Variants in ZNF804B observed in about 807,000 individuals in gnomAD.
ZNF804B encodes zinc finger 804B.
In ZNF804B, 80 loss-of-function variants were observed where a neutral mutation model predicts 101.4. The ratio of observed to expected loss-of-function variants is 0.79; its 90% confidence interval spans 0.66 to 0.95. The LOEUF is 0.95. Among genes scored for constraint, ZNF804B ranks in the 40% least tolerant of loss-of-function variants. ZNF804B has a pLI of 0.00. For missense variants in ZNF804B, 1,673 were observed against 1,561.9 expected (o/e 1.07, Z -1.20); for synonymous variants, 622 against 558.8 (o/e 1.11, Z -1.59).
rs550793296 is a variant in ZNF804B, at chr7:89,109,764, G to A, written c.109-108391G>A. On this transcript the variant is annotated intron_variant, in intron 1 of 3. Transcript: ENST00000333190. ...AGTAGCACCTCTGACCTTCTATTTT[G>A]TTAGCCTTTAGTTGAATTTTTATTT... Among the ~76,000 whole-genome samples, 3 of 152,038 alleles carry A rather than the reference G, an allele frequency of 2.0e-5. No individual in the cohort carries two copies. The South Asian group carries it at 6.2e-4, about 32-fold the overall frequency.
At position 88,870,156 on chromosome 7, in the gene ZNF804B, AC is replaced by A. The variant is rs1562817984; in HGVS notation, c.108+110073del. 8.0e-5 allele frequency among the ~76,000 whole-genome samples: 12 copies of A among 150,800 alleles called. No individual in the cohort carries two copies. In the South Asian group the frequency reaches 2.5e-3, roughly 32 times the overall value. The stretch of plus-strand genomic sequence containing the variant: ...AATCCCAGCACTTTGGGAGGCCGAG[AC>A]GGGCGGATCACGAGGTCAGGAGATC... On this transcript the variant is annotated intron_variant, in intron 1 of 3. Coordinates refer to ENST00000333190, the MANE Select transcript of ZNF804B (RefSeq NM_181646.5).
Position 88,905,836 on chromosome 7 carries a change from G to C in ZNF804B, c.108+145752G>C, listed in dbSNP as rs747544344. ...ATTTGAAATAGTTTCAGTGGGACTCGTAGCAGTTCCTCTTTGTAAATCTAG... is the reference window on the plus strand; with the variant it reads ...ATTTGAAATAGTTTCAGTGGGACTCCTAGCAGTTCCTCTTTGTAAATCTAG... On this transcript the variant is annotated intron_variant, in intron 1 of 3. Transcript: ENST00000333190. 5.2e-4 allele frequency among the ~76,000 whole-genome samples: 78 copies of C among 150,060 alleles called. 1 individual carries two copies. The Middle Eastern group carries it at 0.011, about 20-fold the overall frequency.
chr7:89,162,595 A>G (rs951215308), intron 1 of ZNF804B, among the ~76,000 whole-genome samples: 1 of 105,040 alleles, frequency 9.5e-6, no homozygotes, highest in South Asian at 2.9e-4. Flanking sequence ...GTTGGGTTGA[A>G]CTTTTTTTTT....
chr7:89,120,139 A>G (rs1790378054), intron 1 of ZNF804B, among the ~76,000 whole-genome samples: 1 of 151,932 alleles, frequency 6.6e-6, no homozygotes, highest in South Asian at 2.1e-4. Flanking sequence ...AAGACTTAAA[A>G]CTGAAGTCTA....
intron 1 of ZNF804B, among the ~76,000 whole-genome samples, chr7:88,775,706 T>G (rs1307805859): frequency 6.6e-6 from 1 of 152,192 alleles, no homozygotes; most frequent in Non-Finnish European, 1.5e-5. Context: ...TCAGTTCTTC[T>G]CTTCTTATAA....
chr7:88,831,664 T>TA (rs1791136234), intron 1 of ZNF804B, among the ~76,000 whole-genome samples: 1 of 151,938 alleles, frequency 6.6e-6, no homozygotes, highest in Non-Finnish European at 1.5e-5. Context: ...AGAGATTATT[T>TA]AAAAAATTAT....
intron 1 of ZNF804B, among the ~76,000 whole-genome samples, chr7:89,027,803 C>T (rs1025294743): frequency 3.3e-5 from 5 of 152,098 alleles, no homozygotes; most frequent in African/African-American, 1.2e-4. Flanking sequence ...TGGTCTCATC[C>T]CTGAACTGGT....
rs573762058 is a variant in ZNF804B at position 89,310,245 on chromosome 7, G to A, written c.250-17099G>A. Among the ~76,000 whole-genome samples, 55 of 152,270 alleles carry A rather than the reference G, an allele frequency of 3.6e-4. No individual in the cohort carries two copies. The South Asian group carries it at 0.011, about 31-fold the overall frequency. ...CTGAAAACTGGGAGAAGACTGAGCT[G>A]TGGACTCCCTTGAGGAGGTGTAAGT... On this transcript the variant is annotated intron_variant, in intron 2 of 3. Transcript: ENST00000333190.
At chr7:88,910,765 G>A (rs1792536819) in intron 1 of ZNF804B, among the ~76,000 whole-genome samples, 1 of 151,872 alleles carries the variant, frequency 6.6e-6, no homozygotes. Context: ...TCCAATGCAA[G>A]CGTGATTGAA....
chr7:89,213,794 C>T lies in ZNF804B; in HGVS notation c.109-4361C>T, dbSNP rs1392350817. 2.0e-5 allele frequency among the ~76,000 whole-genome samples: 3 copies of T among 149,060 alleles called. No homozygotes were observed. In the Admixed American group the frequency reaches 2.0e-4, roughly 10 times the overall value. On this transcript the variant is annotated intron_variant, in intron 1 of 3. Transcript: ENST00000333190. The stretch of plus-strand genomic sequence containing the variant: ...AATGAATTTCTAAACATGTTTGTGC[C>T]TTATTTTCCATATCTTTAAATGAGA...
intron 2 of ZNF804B, among the ~76,000 whole-genome samples, chr7:89,279,913 A>G (rs1358844950): frequency 6.6e-6 from 1 of 152,142 alleles, no homozygotes; most frequent in Non-Finnish European, 1.5e-5. Flanking sequence ...CAGACCTAAT[A>G]GACATCTACA....
At chr7:88,865,229 A>C (rs1178536038) in intron 1 of ZNF804B, among the ~76,000 whole-genome samples, 4 of 35,586 alleles carry the variant, frequency 1.1e-4, no homozygotes, top group Non-Finnish European at 1.7e-4. Context: ...ACTTCGTATC[A>C]AAAAAAAAAA....
chr7:88,857,827 T>C (rs1207047990), intron 1 of ZNF804B, among the ~76,000 whole-genome samples: 21 of 98,006 alleles, frequency 2.1e-4, no homozygotes, highest in African/African-American at 8.6e-4. Context: ...CTTTTCTTTT[T>C]TTTTTTTTTT....
rs758173687 is a variant in ZNF804B at position 89,327,378 on chromosome 7, G to A, written c.284G>A (p.Arg95Gln). The A allele has an allele frequency of 1.3e-5, 21 of 1,607,536 alleles. No individual in the cohort carries two copies. The highest frequency in any genetic ancestry group is 4.5e-5 in the East Asian group (2 of 44,572). The change falls in exon 3 of 4, where the codon CGA becomes CAA. Residue 95 changes from arginine to glutamine, a missense_variant. By Grantham distance (43) the Arg-to-Gln change is conservative. Coordinates refer to ENST00000333190, the MANE Select transcript of ZNF804B (RefSeq NM_181646.5). Reference protein sequence around the residue: ...LKELKQREFARNVASKSWKDE... With the variant: ...LKELKQREFAQNVASKSWKDE... The stretch of plus-strand genomic sequence containing the variant: ...GAATTAAAGCAACGGGAATTTGCTC[G>A]AAATGTAGCTTCTAAGTCATGGAAA...
At position 89,336,573 on chromosome 7, in the gene ZNF804B, A is replaced by G; in HGVS notation, c.3591A>G (p.Thr1197=). 1 of 1,614,120 alleles carries G rather than the reference A, an allele frequency of 6.2e-7. No homozygotes were observed. Among genetic ancestry groups the G allele is most frequent in the South Asian group, 1.1e-5 (1 of 91,084 alleles). ...TCTCTCCGGCCTCAACCGTACAGAC[A>G]GTTCCAGTTCACCAGCACACTTCTA... ...TAFSPASTVQ[T]VPVHQHTSIT... The change falls in exon 4 of 4, where the codon ACA becomes ACG. Residue 1197 remains threonine (T), a synonymous_variant. Transcript: ENST00000333190.
intron 1 of ZNF804B, among the ~76,000 whole-genome samples, chr7:89,211,177 T>A (rs765433944): frequency 2.0e-5 from 3 of 152,190 alleles, no homozygotes; most frequent in Non-Finnish European, 2.9e-5. Flanking sequence ...TTTGCCCACT[T>A]TTTAATAGGG....
intron 2 of ZNF804B, among the ~76,000 whole-genome samples, chr7:89,320,226 A>G (rs1790797939): frequency 6.6e-6 from 1 of 152,160 alleles, no homozygotes; most frequent in Admixed American, 6.6e-5. Flanking sequence ...CAAATAGCCT[A>G]CATGTTAGAA....
At chr7:88,954,992 G>A (rs528111200) in intron 1 of ZNF804B, among the ~76,000 whole-genome samples, 37 of 151,152 alleles carry the variant, frequency 2.4e-4, no homozygotes, top group African/African-American at 6.3e-4. Flanking sequence ...GGGCAGTTGC[G>A]GCTCACGGTT....
At chr7:88,945,771 TG>T (rs1197234546) in intron 1 of ZNF804B, among the ~76,000 whole-genome samples, 1 of 152,136 alleles carries the variant, frequency 6.6e-6, no homozygotes, top group African/African-American at 2.4e-5. Flanking sequence ...CCTTGAGCAG[TG>T]GTTTGTAGTT....
Sources: gnomAD v4.1 joint callset for allele counts (sites outside exome capture counted in the v4.1 genomes callset) on GRCh38, gnomAD v4.1.1 for gene constraint, MANE v1.5 for transcripts, NCBI Gene and HGNC (gene_info 2026-07-23, HGNC 2026-07-21) for gene names.